The following ZNF420 variants were observed in gnomAD, a reference collection of about 807,000 sequenced individuals.
ZNF420 encodes the protein zinc finger protein 420.
A neutral mutation model predicts 44.7 loss-of-function variants in ZNF420; 31 were observed. The ratio of observed to expected loss-of-function variants is 0.69; its 90% CI spans 0.52 to 0.94. ZNF420 has a LOEUF of 0.94. ZNF420 is among the 40% of genes least tolerant of loss of function. The pLI is 0.00. For synonymous variants in ZNF420, 245 were observed against 267.4 expected (o/e 0.92, Z 0.82); for missense variants, 681 against 827.9 (o/e 0.82, Z 2.18).
chr19:37,074,771 G>A (rs1416638849), upstream of ZNF420, among the ~76,000 whole-genome samples: 1 of 152,048 alleles, frequency 6.6e-6, no homozygotes, highest in African/African-American at 2.4e-5. Context: ...CATAAATGGT[G>A]AACAAAAAAT....
chr19:37,123,920 A>G (rs1971204374), intron 4 of ZNF420, among the ~76,000 whole-genome samples: 2 of 151,998 alleles, frequency 1.3e-5, no homozygotes, highest in African/African-American at 2.4e-5. Flanking sequence ...AATCTTGTCT[A>G]TATTTTTAAA....
intron 1 of ZNF420, among the ~76,000 whole-genome samples, chr19:37,049,696 G>A (rs1311274239): frequency 4.6e-5 from 7 of 152,088 alleles, no homozygotes; most frequent in Admixed American, 3.3e-4. Flanking sequence ...AGTTTCTTTT[G>A]CTGTGCAGAA....
At chr19:37,021,790 A>G (rs1278085430) in intron 1 of ZNF420, among the ~76,000 whole-genome samples, 2 of 151,772 alleles carry the variant, frequency 1.3e-5, no homozygotes, top group African/African-American at 4.8e-5. Context: ...TACAAAAATT[A>G]GCATGGCATG....
intron 1 of ZNF420, among the ~76,000 whole-genome samples, chr19:37,034,406 T>A (rs1967316687): frequency 6.6e-6 from 1 of 152,244 alleles, no homozygotes; most frequent in Non-Finnish European, 1.5e-5. Flanking sequence ...ATTCTGGATA[T>A]CGATCACTTA....
At position 37,128,307 on chromosome 19, in the gene ZNF420, G is replaced by C. The variant is rs1450926819; in HGVS notation, c.1316G>C (p.Arg439Thr). The change falls in exon 5 of 5, where the codon AGG becomes ACG. Residue 439 changes from arginine to threonine, a missense_variant. Arg to Thr is a moderately conservative substitution (Grantham distance 71, BLOSUM62 -1). This residue lies in a region of ZNF420 where 280 missense variants were observed against 338.6 expected (regional missense o/e 0.83). Coordinates refer to ENST00000337995, the MANE Select transcript of ZNF420 (RefSeq NM_144689.5). ...GGCTCACTCCTTACACGACACCAGAGGATTCATACTGGTGAGAAACCCTAT... is the reference window on the plus strand; with the variant it reads ...GGCTCACTCCTTACACGACACCAGACGATTCATACTGGTGAGAAACCCTAT... ...NRGSLLTRHQ[R>T]IHTGEKPYEC... 6.2e-7 allele frequency: 1 copy of C among 1,613,866 alleles called. No individual in the cohort carries two copies. Among genetic ancestry groups the C allele is most frequent in the Non-Finnish European group, 8.5e-7 (1 of 1,179,980 alleles).
intron 4 of ZNF420, among the ~76,000 whole-genome samples, chr19:37,121,094 T>G (rs1352412916): frequency 1.3e-5 from 2 of 149,920 alleles, no homozygotes; most frequent in African/African-American, 5.0e-5. Flanking sequence ...AAGCTACCAA[T>G]GACTTTCTTC....
intron 1 of ZNF420, among the ~76,000 whole-genome samples, chr19:37,050,708 C>G (rs1411375155): frequency 6.6e-6 from 1 of 152,182 alleles, no homozygotes; most frequent in Non-Finnish European, 1.5e-5. Context: ...CCCTTTACTT[C>G]CTACTCCTAC....
intron 4 of ZNF420, chr19:37,111,648 A>G (rs1414415935): frequency 6.6e-6 from 1 of 152,146 alleles, no homozygotes; most frequent in Non-Finnish European, 1.5e-5. Flanking sequence ...CTTATCTCTA[A>G]CTGGTTGAAG....
chr19:37,020,427 T>G (rs1033622797), intron 1 of ZNF420, among the ~76,000 whole-genome samples: 18 of 152,182 alleles, frequency 1.2e-4, no homozygotes, highest in African/African-American at 3.1e-4. Context: ...TATTCCAAAC[T>G]TGCAATAAGC....
intron 1 of ZNF420, among the ~76,000 whole-genome samples, chr19:37,033,028 T>G (rs1457247955): frequency 1.3e-5 from 2 of 152,236 alleles, no homozygotes; most frequent in Non-Finnish European, 2.9e-5. Context: ...CATATGGATA[T>G]TCACAGTAGG....
In ZNF420 at chr19:37,039,904, G is replaced by A. The variant is rs571296307; in HGVS notation, c.-125+31822G>A. On this transcript the variant is annotated intron_variant, in intron 1 of 4. Coordinates refer to the ZNF420 transcript ENST00000587029. The stretch of plus-strand genomic sequence containing the variant: ...TTTTTTTGTTTGTTTGTTTGTTGTT[G>A]TTGTTTGTAGAGACAGGGTTTCACC... Among the ~76,000 whole-genome samples the A allele has an allele frequency of 6.6e-5, 10 of 151,984 alleles. No individual in the cohort carries two copies. In the East Asian group the frequency reaches 1.7e-3, roughly 27 times the overall value.
At chr19:37,117,015 C>A (rs369789913) in intron 4 of ZNF420, among the ~76,000 whole-genome samples, 1 of 152,324 alleles carries the variant, frequency 6.6e-6, no homozygotes, top group East Asian at 1.9e-4. Flanking sequence ...TCTATAGGCT[C>A]CACCTCTGGG....
intron 1 of ZNF420, among the ~76,000 whole-genome samples, chr19:37,060,358 A>G (rs112693178): frequency 1.6e-3 from 240 of 152,038 alleles, no homozygotes; most frequent in African/African-American, 5.0e-3. Context: ...TGTCACTGGA[A>G]TGCTGGCCTC....
At chr19:37,043,132 G>A (rs1462660125) in intron 1 of ZNF420, among the ~76,000 whole-genome samples, 2 of 152,174 alleles carry the variant, frequency 1.3e-5, no homozygotes, top group Admixed American at 6.5e-5. Context: ...AATAGTAATC[G>A]AAAAGTTTGA....
chr19:37,080,358 A>G lies in ZNF420; in HGVS notation c.-111A>G, dbSNP rs987453077. On this transcript the variant is annotated 5_prime_UTR_variant, in exon 2 of 5. Transcript: ENST00000337995. ...TTCTGAGAGTAGAGCCCAGAGGAGA[A>G]AGAATGGCTGTTTCAGTAGCAATGT... is the stretch of plus-strand genomic sequence containing the variant. The G allele has an allele frequency of 6.5e-6, 1 of 152,674 alleles. No individual in the cohort carries two copies. Among genetic ancestry groups the G allele is most frequent in the African/African-American group, 2.4e-5 (1 of 41,460 alleles). 9.5% of individuals were successfully genotyped at this position (152,674 alleles called of 1,614,324 possible).
chr19:37,104,096 C>A (rs958648239), intron 4 of ZNF420, among the ~76,000 whole-genome samples: 3 of 151,666 alleles, frequency 2.0e-5, no homozygotes, highest in Admixed American at 6.6e-5. Flanking sequence ...TCGTCATTTA[C>A]ATTAGGTATA....
chr19:37,097,668 A>G (rs1381758473), intron 4 of ZNF420, among the ~76,000 whole-genome samples: 1 of 152,172 alleles, frequency 6.6e-6, no homozygotes, highest in Non-Finnish European at 1.5e-5. Flanking sequence ...ATTTCTTGAA[A>G]TCATGCTATT....
chr19:37,079,708 G>C (rs1279574852), intron 1 of ZNF420, among the ~76,000 whole-genome samples: 1 of 152,134 alleles, frequency 6.6e-6, no homozygotes, highest in Non-Finnish European at 1.5e-5. Flanking sequence ...GAATTTTAGG[G>C]CTGATAATAC....
chr19:37,060,752 C>T (rs1425140894), intron 1 of ZNF420, among the ~76,000 whole-genome samples: 1 of 152,082 alleles, frequency 6.6e-6, no homozygotes, highest in Non-Finnish European at 1.5e-5. Context: ...CGTGACTGGC[C>T]TTGTCTTCTA....
Sources: gnomAD v4.1 joint callset for allele counts (sites outside exome capture counted in the v4.1 genomes callset) on GRCh38, gnomAD v4.1.1 for gene constraint, gnomAD v4.1.1 regional missense constraint, MANE v1.5 for transcripts, NCBI Gene and HGNC (gene_info 2026-07-23, HGNC 2026-07-21) for gene names.